Variants in WWC1 observed in about 807,000 individuals in gnomAD.
The protein encoded by WWC1 is protein KIBRA.
In WWC1, 55 loss-of-function variants were observed where a neutral mutation model predicts 138.4. The observed-to-expected ratio is 0.40, with a 90% CI of 0.32 to 0.50. The LOEUF is 0.50. Ranked by LOEUF, WWC1 falls within the 20% of genes least tolerant of loss-of-function variation. The pLI is 0.72. For missense variants in WWC1, 1,226 were observed against 1,420.4 expected (o/e 0.86, Z 2.20); for synonymous variants, 524 against 564.9 (o/e 0.93, Z 1.03).
intron 3 of WWC1, among the ~76,000 whole-genome samples, chr5:168,391,013 A>C (rs555238817): frequency 2.2e-4 from 33 of 152,360 alleles, no homozygotes; most frequent in African/African-American, 7.7e-4. Context: ...AAAGAGTGGC[A>C]AGGTAGCCTT....
At chr5:168,435,484 C>T (rs1216161393) in intron 15 of WWC1, among the ~76,000 whole-genome samples, 1 of 152,140 alleles carries the variant, frequency 6.6e-6, no homozygotes, top group Non-Finnish European at 1.5e-5. Context: ...GAACTCAGCT[C>T]ACAGCAGCCT....
intron 1 of WWC1, among the ~76,000 whole-genome samples, chr5:168,361,108 G>A (rs1237159206): frequency 6.6e-6 from 1 of 152,182 alleles, no homozygotes; most frequent in African/African-American, 2.4e-5. Flanking sequence ...GCAAGAACCT[G>A]GGAAGCAGGT....
At chr5:168,309,324 T>G (rs1472695402) in intron 1 of WWC1, among the ~76,000 whole-genome samples, 2 of 152,048 alleles carry the variant, frequency 1.3e-5, no homozygotes, top group Non-Finnish European at 2.9e-5. Flanking sequence ...AAACAACAAA[T>G]CGAAAATTGA....
intron 1 of WWC1, among the ~76,000 whole-genome samples, chr5:168,339,884 C>CCTCTCTCT (rs201430187): frequency 8.6e-6 from 1 of 115,864 alleles, no homozygotes; most frequent in Non-Finnish European, 1.8e-5. Context: ...TCCCTCTCTC[C>CCTCTCTCT]CTCTCTCTCT....
In WWC1 at chr5:168,385,270, A is replaced by G. The variant is rs1777954690; in HGVS notation, c.289A>G (p.Lys97Glu). 1 of 1,613,990 alleles carries G rather than the reference A, an allele frequency of 6.2e-7. No individual in the cohort carries two copies. Among genetic ancestry groups the G allele is most frequent in the Non-Finnish European group, 8.5e-7 (1 of 1,180,014 alleles). ...QWRREQEHMLKDYLVVAQEAL... is the reference protein window; with the variant it reads ...QWRREQEHMLEDYLVVAQEAL... ...GCGGCGGGAGCAGGAACATATGCTG[A>G]AGGATTACCTGGTGGTGGCCCAGGA... The change falls in exon 3 of 23, where the codon AAG becomes GAG. Residue 97 changes from lysine to glutamate, a missense_variant. Coordinates refer to ENST00000265293, the MANE Select transcript of WWC1 (RefSeq NM_015238.3).
At chr5:168,443,098 T>C (rs1206704631) in intron 16 of WWC1, among the ~76,000 whole-genome samples, 1 of 152,108 alleles carries the variant, frequency 6.6e-6, no homozygotes, top group Non-Finnish European at 1.5e-5. Context: ...GAGAGTGTTT[T>C]GGATTCAGGT....
At chr5:168,357,439 A>T (rs1224142288) in intron 1 of WWC1, among the ~76,000 whole-genome samples, 1 of 138,696 alleles carries the variant, frequency 7.2e-6, no homozygotes. Context: ...TGGAGTGGCA[A>T]CCTGCCTTCT....
chr5:168,302,171 C>T (rs1456711628), intron 1 of WWC1, among the ~76,000 whole-genome samples: 1 of 152,214 alleles, frequency 6.6e-6, no homozygotes, highest in Non-Finnish European at 1.5e-5. Context: ...ATCATGTCCC[C>T]TCACTCAGTC....
At chr5:168,371,897 T>C (rs74437069) in intron 2 of WWC1, among the ~76,000 whole-genome samples, 2,047 of 152,268 alleles carry the variant, frequency 0.013, 38 homozygotes, top group African/African-American at 0.045. Context: ...TGTAAATTTG[T>C]GGGCATACCT....
intron 17 of WWC1, among the ~76,000 whole-genome samples, chr5:168,449,539 G>A (rs1009938407): frequency 6.8e-6 from 1 of 146,266 alleles, no homozygotes. Flanking sequence ...GGGGCTCCCT[G>A]TCTCCCTGTG....
intron 19 of WWC1, among the ~76,000 whole-genome samples, chr5:168,459,134 G>A (rs1195244808): frequency 2.0e-5 from 3 of 151,462 alleles, no homozygotes; most frequent in African/African-American, 4.9e-5. Flanking sequence ...CGTGCCTTTA[G>A]TCCCAGCTAC....
At chr5:168,365,276 C>CTG (rs1776197673) in intron 1 of WWC1, among the ~76,000 whole-genome samples, 1 of 152,104 alleles carries the variant, frequency 6.6e-6, no homozygotes, top group Admixed American at 6.5e-5. Flanking sequence ...AGAGGTTCGG[C>CTG]TGAAAGTTTG....
intron 1 of WWC1, among the ~76,000 whole-genome samples, chr5:168,302,712 G>A (rs1454269797): frequency 6.6e-6 from 1 of 152,128 alleles, no homozygotes; most frequent in Non-Finnish European, 1.5e-5. Flanking sequence ...GAAATACCAG[G>A]CTCTCTGAGT....
intron 5 of WWC1, among the ~76,000 whole-genome samples, chr5:168,401,213 C>A (rs777558672): frequency 3.3e-5 from 5 of 152,270 alleles, no homozygotes; most frequent in Non-Finnish European, 7.4e-5. Flanking sequence ...CAGACTCATT[C>A]ATTGAATTGT....
chr5:168,371,680 A>G, intron 2 of WWC1, 147 bp downstream of exon 2: 1 of 574,490 alleles, frequency 1.7e-6, no homozygotes, highest in Admixed American at 3.2e-5. Flanking sequence ...AGAAATGTCG[A>G]TGTAGATATA....
chr5:168,371,922 A>C (rs979251421), intron 2 of WWC1, among the ~76,000 whole-genome samples: 16 of 152,254 alleles, frequency 1.1e-4, no homozygotes, highest in Non-Finnish European at 1.9e-4. Context: ...TTCCCCCTAA[A>C]AGAAAGATGT....
At chr5:168,339,786 A>G (rs962833726) in intron 1 of WWC1, among the ~76,000 whole-genome samples, 5 of 141,164 alleles carry the variant, frequency 3.5e-5, no homozygotes, top group African/African-American at 1.2e-4. Flanking sequence ...AGACTATGAG[A>G]CAAGTACCAT....
At chr5:168,314,958 T>G (rs1315824296) in intron 1 of WWC1, among the ~76,000 whole-genome samples, 1 of 152,070 alleles carries the variant, frequency 6.6e-6, no homozygotes. Context: ...CCCCAACACA[T>G]TCCTGAGATA....
chr5:168,358,755 T>A (rs1775649408), intron 1 of WWC1, among the ~76,000 whole-genome samples: 1 of 152,022 alleles, frequency 6.6e-6, no homozygotes, highest in East Asian at 1.9e-4. Flanking sequence ...ATGGTATGTG[T>A]TTAAACAATT....
Sources: gnomAD v4.1 joint callset for allele counts (sites outside exome capture counted in the v4.1 genomes callset) on GRCh38, gnomAD v4.1.1 for gene constraint, MANE v1.5 for transcripts, NCBI Gene and HGNC (gene_info 2026-07-23, HGNC 2026-07-21) for gene names.